LYN: variants seen among roughly 807,000 people sequenced by gnomAD.
LYN encodes the protein tyrosine-protein kinase Lyn.
In LYN, 12 loss-of-function variants were observed where a neutral mutation model predicts 65.0. That is an observed-to-expected ratio of 0.18 (90% CI 0.12 to 0.30). The LOEUF (loss-of-function observed/expected upper bound fraction) is 0.30. Among genes scored for constraint, LYN ranks in the 10% least tolerant of loss-of-function variants. The pLI, the probability that LYN is intolerant of heterozygous loss-of-function variation, is 1.00. For synonymous variants in LYN, 222 were observed against 221.2 expected, an observed-to-expected ratio of 1.00 and a Z score of -0.03; for missense variants, 380 against 623.2, an observed-to-expected ratio of 0.61 and a Z score of 4.16.
chr8:55,997,718 G>T (rs544101136), intron 10 of LYN, among the ~76,000 whole-genome samples: 19 of 152,264 alleles, frequency 1.2e-4, no homozygotes, highest in African/African-American at 4.6e-4. Context: ...TTGAGAAACT[G>T]GCATAATAAC....
chr8:55,963,818 T>C (rs1035683804), intron 8 of LYN, among the ~76,000 whole-genome samples: 2 of 152,244 alleles, frequency 1.3e-5, no homozygotes, highest in African/African-American at 4.8e-5. Flanking sequence ...GTTATATGTA[T>C]CATATAGTTT....
chr8:55,994,829 A>C (rs1279778183), intron 10 of LYN, among the ~76,000 whole-genome samples: 1 of 152,220 alleles, frequency 6.6e-6, no homozygotes, highest in East Asian at 1.9e-4. Context: ...GGAGGCTGGG[A>C]CAGAGTCAGC....
At chr8:55,888,786 G>A (rs985435303) in intron 1 of LYN, among the ~76,000 whole-genome samples, 5 of 152,038 alleles carry the variant, frequency 3.3e-5, no homozygotes, top group Non-Finnish European at 7.4e-5. Flanking sequence ...ATCCAGGCTG[G>A]AGTGCAGTGG....
chr8:55,983,700 C>T (rs1478365144), intron 10 of LYN, among the ~76,000 whole-genome samples: 1 of 152,168 alleles, frequency 6.6e-6, no homozygotes, highest in African/African-American at 2.4e-5. Flanking sequence ...ACGTTTTCCT[C>T]ATTTGGCTTC....
At chr8:55,990,138 CTG>C (rs1431767834) in intron 10 of LYN, among the ~76,000 whole-genome samples, 2 of 148,380 alleles carry the variant, frequency 1.3e-5, no homozygotes, top group African/African-American at 5.0e-5. Context: ...ACTCAGGAGA[CTG>C]AGGCAGGAGA....
rs147600014 is a variant in LYN, at chr8:55,909,054, C to CCA, written c.-6+28954_-6+28955dup. Among the ~76,000 whole-genome samples, 4 of 94,382 alleles carry CCA rather than the reference C, an allele frequency of 4.2e-5. 1 individual carries two copies. The highest frequency in any genetic ancestry group is 1.6e-4 in the African/African-American group (4 of 24,560). The allele number at this position is 94,382 out of a possible 152,430, so 61.9% of individuals were successfully genotyped here. A position where few individuals can be genotyped will look rare whatever the true frequency, so the allele number is the denominator to read the frequency against. On this transcript the variant is annotated intron_variant, in intron 1 of 12. Transcript: ENST00000519728. ...ACACACACACACACACACACACACC[C>CCA]CACATTTTCTTTACTTTTATTTCTT...
At chr8:55,918,043 T>G (rs1805828855) in intron 1 of LYN, among the ~76,000 whole-genome samples, 1 of 152,240 alleles carries the variant, frequency 6.6e-6, no homozygotes, top group Non-Finnish European at 1.5e-5. Flanking sequence ...AAGAGCTGAC[T>G]AAGCAAGGCT....
At chr8:56,008,137 A>G (rs1808724671) in intron 12 of LYN, among the ~76,000 whole-genome samples, 1 of 150,014 alleles carries the variant, frequency 6.7e-6, no homozygotes, top group Admixed American at 6.7e-5. Context: ...AATAAAATAA[A>G]ATAAAATAAA....
intron 1 of LYN, among the ~76,000 whole-genome samples, chr8:55,899,371 C>T (rs147349225): frequency 1.5e-4 from 23 of 152,258 alleles, no homozygotes; most frequent in African/African-American, 5.5e-4. Context: ...TTTTATTTAA[C>T]TTTGAAAGGT....
Position 55,952,063 on chromosome 8 carries a change from C to T in LYN, c.585C>T (p.Ile195=), listed in dbSNP as rs776780392. ...GTCTGGATAATGGGGGCTATTACAT[C>T]TCTCCACGAATCACTTTTCCCTGTA... The part of the protein sequence containing the change: ...IRSLDNGGYY[I]SPRITFPCIS... Residue 195 remains isoleucine, a synonymous_variant, in exon 7 of 13, where the codon ATC becomes ATT. Coordinates refer to ENST00000519728, the MANE Select transcript of LYN (RefSeq NM_002350.4). The T allele has an allele frequency of 1.2e-6, 2 of 1,608,834 alleles. No homozygotes were observed. The highest frequency in any genetic ancestry group is 1.7e-6 in the Non-Finnish European group (2 of 1,178,430).
intron 10 of LYN, among the ~76,000 whole-genome samples, chr8:55,988,142 T>C (rs1361372595): frequency 6.6e-6 from 1 of 152,168 alleles, no homozygotes; most frequent in Admixed American, 6.6e-5. Flanking sequence ...AATTATGGAT[T>C]GGAGATTAGA....
intron 1 of LYN, among the ~76,000 whole-genome samples, chr8:55,930,159 G>A (rs970151792): frequency 2.0e-5 from 3 of 152,130 alleles, no homozygotes; most frequent in South Asian, 2.1e-4. Flanking sequence ...AACCAGTCAC[G>A]GATGCTAAAA....
rs878944007 is a variant in LYN, at chr8:56,010,572, T to TAA, written c.*476_*477dup. On this transcript the variant is annotated 3_prime_UTR_variant, in exon 13 of 13. Transcript: ENST00000519728. Reference sequence around the variant, plus strand: ...TTCTTTGTGCTTTGGCTTACTTGTTTAAAAAAAAAAAAAAACTAATCCAAC... The same window carrying TAA: ...TTCTTTGTGCTTTGGCTTACTTGTTTAAAAAAAAAAAAAAAAACTAATCCAAC... The TAA allele has an allele frequency of 1.8e-3, 364 of 202,222 alleles. No individual in the cohort carries two copies. Among genetic ancestry groups the TAA allele is most frequent in the Non-Finnish European group, 2.3e-3 (237 of 101,608 alleles). 12.5% of individuals were successfully genotyped at this position (202,222 alleles called of 1,614,324 possible). A position where few individuals can be genotyped will look rare whatever the true frequency, so the allele number is the denominator to read the frequency against.
At chr8:55,980,874 C>T (rs1170991714) in intron 10 of LYN, among the ~76,000 whole-genome samples, 1 of 152,204 alleles carries the variant, frequency 6.6e-6, no homozygotes, top group Non-Finnish European at 1.5e-5. Context: ...CACCAACATC[C>T]ACCTGCAGAA....
At chr8:55,917,062 A>G (rs1188452546) in intron 1 of LYN, among the ~76,000 whole-genome samples, 1 of 151,942 alleles carries the variant, frequency 6.6e-6, no homozygotes, top group Non-Finnish European at 1.5e-5. Context: ...CAGTAATCCC[A>G]GCTACTCAGG....
intron 8 of LYN, among the ~76,000 whole-genome samples, chr8:55,964,308 C>T (rs114411338): frequency 0.02 from 3,030 of 152,184 alleles, 103 homozygotes; most frequent in African/African-American, 0.069. Flanking sequence ...AAGCGATCCT[C>T]CTGCCTCTCA....
intron 1 of LYN, among the ~76,000 whole-genome samples, chr8:55,927,610 G>A (rs994224326): frequency 3.3e-5 from 5 of 152,066 alleles, no homozygotes; most frequent in African/African-American, 9.7e-5. Flanking sequence ...AGAGGCAGGC[G>A]GATCACTTGC....
chr8:55,899,590 C>G (rs1398293500), intron 1 of LYN, among the ~76,000 whole-genome samples: 1 of 152,232 alleles, frequency 6.6e-6, no homozygotes, highest in African/African-American at 2.4e-5. Context: ...TTGTATTCAA[C>G]CAATCCTTAT....
rs117894764 is a variant in LYN, at chr8:55,971,832, T to A, written c.1050+2039T>A. 2.5e-3 allele frequency among the ~76,000 whole-genome samples: 376 copies of A among 152,354 alleles called. 1 individual carries two copies. Among genetic ancestry groups the A allele is most frequent in the Non-Finnish European group, 4.9e-3 (332 of 68,036 alleles). Reference sequence around the variant, plus strand: ...AATTTTTCTAACCTCGAAGAGTAATTTTTCTAACCTAGAAATGAATAGGGG... The same window carrying A: ...AATTTTTCTAACCTCGAAGAGTAATATTTCTAACCTAGAAATGAATAGGGG... On this transcript the variant is annotated intron_variant, in intron 10 of 12. Coordinates refer to ENST00000519728, the MANE Select transcript of LYN (RefSeq NM_002350.4).
Sources: allele counts gnomAD v4.1 joint callset (sites outside exome capture counted in the v4.1 genomes callset), GRCh38; gene constraint gnomAD v4.1.1; transcripts MANE v1.5; gene names NCBI Gene and HGNC (gene_info 2026-07-23, HGNC 2026-07-21).